The following GGACT variants were observed in gnomAD, a reference collection of about 807,000 sequenced individuals.
The protein encoded by GGACT is gamma-glutamylaminecyclotransferase.
For synonymous variants in GGACT, 118 were observed against 115.3 expected, an observed-to-expected ratio of 1.02 and a Z score of -0.15; for missense variants, 241 against 233.2, an observed-to-expected ratio of 1.03 and a Z score of -0.22.
intron 2 of GGACT, chr13:100,536,168 T>A (rs999640668): frequency 3.9e-5 from 6 of 152,262 alleles, no homozygotes; most frequent in African/African-American, 1.2e-4. Context: ...TGTGTGTGAC[T>A]CGAGCTCTTC....
rs2088397363 is a variant in GGACT at position 100,532,007 on chromosome 13, T to C, written c.*123A>G. On this transcript the variant is annotated 3_prime_UTR_variant, in exon 3 of 3. Transcript: ENST00000683975. ...GTAAAATCAGCTGCCACTGAAAGAT[T>C]GGTTCCTTTCCGGCAGATTCATTGG... The C allele has an allele frequency of 5.2e-6, 3 of 577,584 alleles. No homozygotes were observed. In the South Asian group the frequency reaches 1.9e-4, roughly 37 times the overall value. 35.8% of individuals were successfully genotyped at this position (577,584 alleles called of 1,614,324 possible).
chr13:100,585,265 G>C (rs1875533407), intron 1 of GGACT, among the ~76,000 whole-genome samples: 1 of 152,228 alleles, frequency 6.6e-6, no homozygotes, highest in Non-Finnish European at 1.5e-5. Context: ...GGTAAGTCCA[G>C]CCTGTGGGTG....
At chr13:100,582,934 T>C (rs1292572440) in intron 2 of GGACT, among the ~76,000 whole-genome samples, 2 of 152,156 alleles carry the variant, frequency 1.3e-5, no homozygotes, top group Non-Finnish European at 2.9e-5. Context: ...AATAGCTTAA[T>C]AAATAGCTGC....
At chr13:100,554,167 A>G (rs1032325781) in intron 2 of GGACT, among the ~76,000 whole-genome samples, 2 of 152,200 alleles carry the variant, frequency 1.3e-5, no homozygotes, top group African/African-American at 4.8e-5. Flanking sequence ...CAGAAACCAG[A>G]TATTTCCCAG....
rs1594178879 is a variant in GGACT at position 100,532,047 on chromosome 13, G to A, written c.*83C>T. The A allele has an allele frequency of 5.1e-6, 5 of 987,210 alleles. No homozygotes were observed. The Admixed American group carries it at 1.1e-4, about 21-fold the overall frequency. The allele number at this position is 987,210 out of a possible 1,614,324, so 61.2% of individuals were successfully genotyped here. Reference sequence around the variant, plus strand: ...AGATTCATTGGAAAGGGCCCTGTTCGGCTTCCGCCTTCACCCAGCATGGGC... The same window carrying A: ...AGATTCATTGGAAAGGGCCCTGTTCAGCTTCCGCCTTCACCCAGCATGGGC... On this transcript the variant is annotated 3_prime_UTR_variant, in exon 3 of 3. Coordinates refer to ENST00000683975, the MANE Select transcript of GGACT (RefSeq NM_001195087.2).
intron 2 of GGACT, among the ~76,000 whole-genome samples, chr13:100,570,229 AT>A (rs1875039581): frequency 1.3e-5 from 2 of 152,278 alleles, no homozygotes; most frequent in Admixed American, 6.5e-5. Flanking sequence ...AATTTACTGT[AT>A]TAGTCCATTC....
chr13:100,563,384 T>C (rs1174876116), intron 2 of GGACT, among the ~76,000 whole-genome samples: 3 of 152,160 alleles, frequency 2.0e-5, no homozygotes, highest in Non-Finnish European at 2.9e-5. Flanking sequence ...AGGAAAATGT[T>C]CTGGAACTAG....
chr13:100,571,507 G>T (rs528468442), intron 2 of GGACT, among the ~76,000 whole-genome samples: 1 of 152,142 alleles, frequency 6.6e-6, no homozygotes, highest in Admixed American at 6.5e-5. Flanking sequence ...TGTAGAGACG[G>T]GGTCTCATTT....
intron 2 of GGACT, among the ~76,000 whole-genome samples, chr13:100,576,915 A>T (rs1875263798): frequency 6.6e-6 from 1 of 152,226 alleles, no homozygotes; most frequent in Non-Finnish European, 1.5e-5. Flanking sequence ...GTTTTACTGT[A>T]AACTTAATAA....
At chr13:100,535,679 T>G (rs141739811) in intron 2 of GGACT, 2 of 152,234 alleles carry the variant, frequency 1.3e-5, no homozygotes, top group Non-Finnish European at 2.9e-5. Context: ...CCAGATCTAT[T>G]TCGGCATTAG....
chr13:100,588,518 T>C (rs1875651353), intron 1 of GGACT: 1 of 152,026 alleles, frequency 6.6e-6, no homozygotes, highest in Admixed American at 6.5e-5. Context: ...CGCGGGGCAA[T>C]GGAGGACGCG....
In GGACT at chr13:100,534,138, G is replaced by A. The variant is rs887578585; in HGVS notation, c.-10-1537C>T. Reference sequence around the variant, plus strand: ...CAGCAAACAAGAGCTGCTCTGGGGGGTTCTAGGCCTCATTTTGCTCAAGAG... The same window carrying A: ...CAGCAAACAAGAGCTGCTCTGGGGGATTCTAGGCCTCATTTTGCTCAAGAG... On this transcript the variant is annotated intron_variant, in intron 2 of 2. Transcript: ENST00000683975. The surrounding 1 kb of genome is among the most constrained non-coding windows in gnomAD (Gnocchi z 4.9). 3.3e-5 allele frequency among the ~76,000 whole-genome samples: 5 copies of A among 152,224 alleles called. No homozygotes were observed. The highest frequency in any genetic ancestry group is 5.9e-5 in the Non-Finnish European group (4 of 68,044).
chr13:100,563,995 T>TG (rs773118754), intron 2 of GGACT, among the ~76,000 whole-genome samples: 17 of 151,702 alleles, frequency 1.1e-4, no homozygotes, highest in Non-Finnish European at 2.4e-4. Context: ...GAGGGAAGCC[T>TG]GGGGCAGTCT....
chr13:100,550,341 CACACACACA>C (rs1566532509), intron 2 of GGACT, among the ~76,000 whole-genome samples: 1,408 of 122,998 alleles, frequency 0.011, 139 homozygotes, highest in African/African-American at 0.045. Context: ...CACACACACA[CACACACACA>C]CACACCACTG....
chr13:100,532,415 C>A lies in GGACT; in HGVS notation c.177G>T (p.Ser59=). 6.5e-7 allele frequency: 1 copy of A among 1,550,102 alleles called. No individual in the cohort carries two copies. Among genetic ancestry groups the A allele is most frequent in the South Asian group, 1.2e-5 (1 of 84,060 alleles). ...AGACCTCGCCCTCCACGAGGCGCCC[C>A]GAGCCGGGCAGGTGCAGCAGCCACG... ...NIPWLLHLPG[S]GRLVEGEVYA... The change falls in exon 3 of 3, where the codon TCG becomes TCT. Residue 59 remains serine (S), a synonymous_variant. Coordinates refer to ENST00000683975, the MANE Select transcript of GGACT (RefSeq NM_001195087.2).
intron 1 of GGACT, among the ~76,000 whole-genome samples, chr13:100,585,723 G>C (rs576621969): frequency 1.4e-5 from 2 of 146,362 alleles, no homozygotes; most frequent in Non-Finnish European, 3.0e-5. Context: ...AGCCAAGATT[G>C]TGCCACTGCA....
intron 2 of GGACT, among the ~76,000 whole-genome samples, chr13:100,550,557 TC>T (rs1298659638): frequency 6.6e-6 from 1 of 152,172 alleles, no homozygotes; most frequent in Non-Finnish European, 1.5e-5. Flanking sequence ...CTCCTTGGCC[TC>T]CCCAGTGTTG....
intron 2 of GGACT, among the ~76,000 whole-genome samples, chr13:100,577,646 G>A (rs530094482): frequency 1.3e-5 from 2 of 152,222 alleles, no homozygotes; most frequent in East Asian, 3.9e-4. Flanking sequence ...AACACAAAGG[G>A]AGGAGGGCAC....
intron 2 of GGACT, among the ~76,000 whole-genome samples, chr13:100,551,502 G>A (rs1157768170): frequency 1.3e-5 from 2 of 152,138 alleles, no homozygotes; most frequent in African/African-American, 4.8e-5. Flanking sequence ...CAGAAAAGAA[G>A]GAAAAAGGGA....
Sources: gnomAD v4.1 joint callset for allele counts (sites outside exome capture counted in the v4.1 genomes callset) on GRCh38, gnomAD v4.1.1 for gene constraint, Gnocchi (gnomAD v3.1) non-coding constraint, MANE v1.5 for transcripts, NCBI Gene and HGNC (gene_info 2026-07-23, HGNC 2026-07-21) for gene names.